The following SHOC2 variants were observed in gnomAD, a reference collection of about 807,000 sequenced individuals.
SHOC2 encodes SHOC2 leucine rich repeat scaffold protein.
Under a neutral mutation model 50.2 loss-of-function variants are expected in SHOC2, and 4 were observed. That is an observed-to-expected ratio of 0.08 (90% CI 0.04 to 0.18). SHOC2 has a LOEUF of 0.18. SHOC2 is among the 10% of genes least tolerant of loss of function. SHOC2 has a pLI of 1.00. For missense variants in SHOC2, 388 were observed against 669.6 expected, an observed-to-expected ratio of 0.58 and a Z score of 4.64; for synonymous variants, 218 against 244.5, an observed-to-expected ratio of 0.89 and a Z score of 1.01.
intron 1 of SHOC2, among the ~76,000 whole-genome samples, chr10:110,931,776 T>C (rs1217346516): frequency 6.6e-6 from 1 of 152,154 alleles, no homozygotes; most frequent in Non-Finnish European, 1.5e-5. Flanking sequence ...CTGTCTAGAA[T>C]GGCAGATAAA....
At chr10:110,936,656 G>T in intron 1 of SHOC2, 2 of 911,428 alleles carry the variant, frequency 2.2e-6, no homozygotes, top group Non-Finnish European at 3.3e-6. Flanking sequence ...GAGGACCTCT[G>T]TGTATTTGTC....
At chr10:110,965,755 A>G (rs928775937) in intron 2 of SHOC2, among the ~76,000 whole-genome samples, 5 of 152,186 alleles carry the variant, frequency 3.3e-5, no homozygotes, top group Admixed American at 2.0e-4. Context: ...AGTAGGAGAA[A>G]AAAATAGGGA....
At chr10:110,935,301 C>T (rs572291141) in intron 1 of SHOC2, among the ~76,000 whole-genome samples, 1 of 152,324 alleles carries the variant, frequency 6.6e-6, no homozygotes, top group East Asian at 1.9e-4. Context: ...AGGTTGTCAG[C>T]TGGAAGGTGA....
At chr10:110,962,448 G>A (rs909157643) in intron 1 of SHOC2, among the ~76,000 whole-genome samples, 2 of 152,022 alleles carry the variant, frequency 1.3e-5, no homozygotes, top group African/African-American at 4.8e-5. Context: ...TCTCTCCATC[G>A]CAGTGCAAAA....
At chr10:110,971,528 A>G (rs749408236) in intron 2 of SHOC2, among the ~76,000 whole-genome samples, 8 of 152,028 alleles carry the variant, frequency 5.3e-5, no homozygotes, top group Admixed American at 6.6e-5. Context: ...TGCTTTGGCT[A>G]TTTAGAGTCT....
chr10:111,004,513 G>A, intron 4 of SHOC2, 93 bp from the exon 5 acceptor site: 3 of 874,016 alleles, frequency 3.4e-6, no homozygotes, highest in Non-Finnish European at 5.7e-6. Context: ...ACCCCCCAAA[G>A]CCCTTTGAGG....
At chr10:110,977,320 C>T (rs1847895702) in intron 2 of SHOC2, among the ~76,000 whole-genome samples, 2 of 150,854 alleles carry the variant, frequency 1.3e-5, no homozygotes, top group Admixed American at 6.6e-5. Context: ...GGTGTGATCT[C>T]GGCCCACCGC....
chr10:110,971,122 C>T (rs1847773469), intron 2 of SHOC2, among the ~76,000 whole-genome samples: 1 of 152,050 alleles, frequency 6.6e-6, no homozygotes. Context: ...AAAATCTTTG[C>T]CCAGACCATT....
chr10:110,992,049 T>C (rs1848194671), intron 3 of SHOC2, among the ~76,000 whole-genome samples: 1 of 152,216 alleles, frequency 6.6e-6, no homozygotes, highest in Non-Finnish European at 1.5e-5. Context: ...CAGAAATCAC[T>C]GTATTTACTT....
At chr10:110,975,026 A>G (rs1847849914) in intron 2 of SHOC2, among the ~76,000 whole-genome samples, 2 of 152,210 alleles carry the variant, frequency 1.3e-5, no homozygotes, top group Non-Finnish European at 2.9e-5. Flanking sequence ...TTAACATCCT[A>G]TATAACCATT....
Position 111,009,378 on chromosome 10 carries a change from A to G in SHOC2, c.1415A>G (p.Asp472Gly). ...SLPNEIAYLK[D>G]LQKLVLTNNQ... ...CCAAATGAAATTGCATATCTTAAGG[A>G]TTTACAGGTAAACATTATGCTGATT... Residue 472 changes from aspartate to glycine, a missense_variant, in exon 7 of 9, where the codon GAT becomes GGT. By Grantham distance (94) the Asp-to-Gly change is moderately conservative. Coordinates refer to ENST00000369452, the MANE Select transcript of SHOC2 (RefSeq NM_007373.4). 1.2e-6 allele frequency: 2 copies of G among 1,609,158 alleles called. No homozygotes were observed. The highest frequency in any genetic ancestry group is 1.7e-6 in the Non-Finnish European group (2 of 1,175,884).
chr10:110,922,573 G>T (rs1846676645), intron 1 of SHOC2, among the ~76,000 whole-genome samples: 1 of 152,000 alleles, frequency 6.6e-6, no homozygotes, highest in Non-Finnish European at 1.5e-5. Context: ...AAGATTAAGT[G>T]AAATGTATCT....
intron 1 of SHOC2, among the ~76,000 whole-genome samples, chr10:110,925,554 C>T (rs577951457): frequency 6.6e-6 from 1 of 152,268 alleles, no homozygotes; most frequent in East Asian, 1.9e-4. Flanking sequence ...CCTCCCTGGG[C>T]TCAAGTGATC....
intron 3 of SHOC2, among the ~76,000 whole-genome samples, chr10:110,993,519 A>G (rs1348162178): frequency 3.9e-5 from 6 of 152,176 alleles, no homozygotes; most frequent in Non-Finnish European, 2.9e-5. Flanking sequence ...AGAACAGCCT[A>G]TTCTCATAGA....
At chr10:110,982,273 G>T (rs1847995496) in intron 2 of SHOC2, among the ~76,000 whole-genome samples, 1 of 150,786 alleles carries the variant, frequency 6.6e-6, no homozygotes, top group Non-Finnish European at 1.5e-5. Context: ...CATTTGGATT[G>T]GTTCCAAGTC....
intron 1 of SHOC2, among the ~76,000 whole-genome samples, chr10:110,936,401 C>A (rs1163769075): frequency 1.3e-5 from 2 of 151,978 alleles, no homozygotes; most frequent in Admixed American, 1.3e-4. Flanking sequence ...CCGCACCCAG[C>A]CTGCTTCACT....
chr10:111,003,596 C>T (rs924362532), intron 4 of SHOC2, among the ~76,000 whole-genome samples: 11 of 152,086 alleles, frequency 7.2e-5, no homozygotes, highest in Admixed American at 6.6e-4. Context: ...AATAACTTGC[C>T]AAAGTCACAA....
intron 1 of SHOC2, among the ~76,000 whole-genome samples, chr10:110,950,773 CT>C (rs1847335928): frequency 6.6e-6 from 1 of 152,086 alleles, no homozygotes; most frequent in Non-Finnish European, 1.5e-5. Flanking sequence ...GTGATCGTTT[CT>C]TCAATAAATG....
At chr10:110,983,597 C>T (rs796410903) in intron 2 of SHOC2, among the ~76,000 whole-genome samples, 20 of 152,228 alleles carry the variant, frequency 1.3e-4, no homozygotes, top group African/African-American at 4.1e-4. Flanking sequence ...TGCTGTGCAA[C>T]GATTACCATT....
Sources: allele counts gnomAD v4.1 joint callset (sites outside exome capture counted in the v4.1 genomes callset), GRCh38; gene constraint gnomAD v4.1.1; transcripts MANE v1.5; gene names NCBI Gene and HGNC (gene_info 2026-07-23, HGNC 2026-07-21).